The following CPSF1 variants were observed in gnomAD, a reference collection of about 807,000 sequenced individuals.
CPSF1 encodes the protein cleavage and polyadenylation specificity factor subunit 1.
A neutral mutation model predicts 175.8 loss-of-function variants in CPSF1; 106 were observed. The ratio of observed to expected loss-of-function variants is 0.60; its 90% CI spans 0.52 to 0.71. The LOEUF (loss-of-function observed/expected upper bound fraction) is 0.71, where lower values mean the gene tolerates loss of function less well. Among genes scored for constraint, CPSF1 ranks in the 30% least tolerant of loss-of-function variants. CPSF1 has a pLI of 0.00. For synonymous variants in CPSF1, 1,024 were observed against 858.3 expected (o/e 1.19, Z -3.37); for missense variants, 1,734 against 2,022.9 (o/e 0.86, Z 2.74).
At position 144,395,493 on chromosome 8, in the gene CPSF1, A is replaced by C; in HGVS notation, c.3038T>G (p.Val1013Gly). The stretch of plus-strand genomic sequence containing the variant: ...CGTGCAGCGCAGCGGGATCTTCCTG[A>C]CAGGCCATGGGGCATCATAGGACAG... ...AYLSYDAPWP[V>G]RKIPLRCTAH... Residue 1013 changes from valine (V) to glycine (G), a missense_variant, in exon 27 of 38, where the codon GTC (valine) becomes GGC (glycine). Physicochemically the swap from Val to Gly is moderately radical, Grantham distance 109. Transcript: ENST00000616140. 1 of 1,550,728 alleles carries C rather than the reference A, an allele frequency of 6.4e-7. No homozygotes were observed. Among genetic ancestry groups the C allele is most frequent in the Non-Finnish European group, 8.8e-7 (1 of 1,140,562 alleles).
chr8:144,399,997 G>T lies in CPSF1; in HGVS notation c.1026C>A (p.Gly342=), dbSNP rs144467510. The T allele has an allele frequency of 9.9e-6, 16 of 1,611,698 alleles. No individual in the cohort carries two copies. The highest frequency in any genetic ancestry group is 3.3e-5 in the Admixed American group (2 of 59,950). The change falls in exon 10 of 38, where the codon GGC becomes GGA. Residue 342 remains glycine, a synonymous_variant. Coordinates refer to ENST00000616140, the MANE Select transcript of CPSF1 (RefSeq NM_013291.3). The surrounding 1 kb of genome is among the most constrained non-coding windows in gnomAD (Gnocchi z 6.4). Reference sequence around the variant, plus strand: ...TGGGCGGGGGAGGGGCTCACATCTCGCCGCCCTTGAGGGAGATGACCATCT... The same window carrying T: ...TGGGCGGGGGAGGGGCTCACATCTCTCCGCCCTTGAGGGAGATGACCATCT... ...YDKMVISLKG[G]EIYVLTLITD... is the part of the protein sequence containing the mutation.
chr8:144,397,568 G>A lies in CPSF1; in HGVS notation c.2304C>T (p.Pro768=), dbSNP rs1554864433. The change falls in exon 22 of 38, where the codon CCC becomes CCT. Residue 768 remains proline, a synonymous_variant. Coordinates refer to ENST00000616140, the MANE Select transcript of CPSF1 (RefSeq NM_013291.3). ...AGGGTGCAGGGTCCCGGTCAGCAGG[G>A]GGCTGGCTGCTTCTTCGGGCCTCCT... The part of the protein sequence containing the change: ...SKEEARRSSQ[P]PADRDPAPFR... 1 of 1,545,782 alleles carries A rather than the reference G, an allele frequency of 6.5e-7. No homozygotes were observed.
At position 144,395,417 on chromosome 8, in the gene CPSF1, GT is replaced by G; in HGVS notation, c.3096+17del. 1 of 1,612,574 alleles carries G rather than the reference GT, an allele frequency of 6.2e-7. No homozygotes were observed. Among genetic ancestry groups the G allele is most frequent in the South Asian group, 1.1e-5 (1 of 91,074 alleles). ...CCAGGCCCAGAAGGTCCCTGGTGGGGTGGGGGTGGGGGCAGACCTTAGACTC... is the reference window on the plus strand; with the variant it reads ...CCAGGCCCAGAAGGTCCCTGGTGGGGGGGGGTGGGGGCAGACCTTAGACTC... On this transcript the variant is annotated intron_variant, in intron 27 of 37. Coordinates refer to ENST00000616140, the MANE Select transcript of CPSF1 (RefSeq NM_013291.3).
At position 144,393,689 on chromosome 8, in the gene CPSF1, C is replaced by T. The variant is rs781988556; in HGVS notation, c.4123G>A (p.Gly1375Ser). The T allele has an allele frequency of 7.7e-6, 12 of 1,562,308 alleles. No homozygotes were observed. Among genetic ancestry groups the T allele is most frequent in the East Asian group, 7.0e-5 (3 of 43,016 alleles). ...CACCGGAAGGCGCGGGGGTTGAGGC[C>T]GGCGTGGTGTGGCAGCATGGTGGTC... ...ALTTMLPHHA[G>S]LNPRAFRMLH... Residue 1375 changes from glycine to serine, a missense_variant, in exon 36 of 38, where the codon GGC becomes AGC. Gly to Ser is a moderately conservative substitution (Grantham distance 56). Around this residue, in one of 10 missense-constraint regions of CPSF1, gnomAD observed 323 missense variants for 338.5 expected, o/e 0.95. Transcript: ENST00000616140.
chr8:144,400,135 G>GCCCCCCCCCCCC (rs1491238659), intron 9 of CPSF1, 31 bp downstream of exon 9: 138 of 896,514 alleles, frequency 1.5e-4, no homozygotes, highest in Non-Finnish European at 1.9e-4. Context: ...CCGTCCCCGG[G>GCCCCCCCCCCCC]CCCCCCCCGC....
At chr8:144,404,936 T>C (rs934087397) in intron 2 of CPSF1, among the ~76,000 whole-genome samples, 1 of 151,532 alleles carries the variant, frequency 6.6e-6, no homozygotes, top group Non-Finnish European at 1.5e-5. Flanking sequence ...TCCCAGCTAC[T>C]CAGGAGGCTG....
Position 144,400,289 on chromosome 8 carries a change from A to G in CPSF1, c.827-13T>C. 1.2e-6 allele frequency: 2 copies of G among 1,608,172 alleles called. No homozygotes were observed. Among genetic ancestry groups the G allele is most frequent in the East Asian group, 2.2e-5 (1 of 44,732 alleles). On this transcript the variant is annotated splice_polypyrimidine_tract_variant and intron_variant, in intron 8 of 37. Transcript: ENST00000616140. ...ACCACCACCCCACCTGGAGGTGGAC[A>G]CAGGCTGGTGGGCAGGCTCAGTGCT...
In CPSF1 at chr8:144,400,067, C is replaced by T. The variant is rs147185008; in HGVS notation, c.956G>A (p.Arg319Gln). 38 of 1,611,746 alleles carry T rather than the reference C, an allele frequency of 2.4e-5. No homozygotes were observed. The highest frequency in any genetic ancestry group is 1.2e-4 in the African/African-American group (9 of 74,834). The change falls in exon 10 of 38, where the codon CGG becomes CAG. Residue 319 changes from arginine to glutamine, a missense_variant. Coordinates refer to ENST00000616140, the MANE Select transcript of CPSF1 (RefSeq NM_013291.3). ...AFPLRTQEGV[R>Q]ITLDCAQATF... ...GGCCTGGGCGCAGTCCAGGGTGATC[C>T]GCACACCCTCCTGGGTGCCTGTGGG...
In CPSF1 at chr8:144,397,960, C is replaced by T; in HGVS notation, c.2067G>A (p.Leu689=). The stretch of plus-strand genomic sequence containing the variant: ...CGGGAATGAGGGGGCCTACATGGTG[C>T]AGCGGGGGCTTGTGCAGCGCCAGGC... The part of the protein sequence containing the change: ...HHRLALHKPP[L]HHQSKVITLC... The change falls in exon 20 of 38, where the codon CTG becomes CTA. Residue 689 remains leucine, a synonymous_variant. Transcript: ENST00000616140. 1.2e-6 allele frequency: 2 copies of T among 1,607,796 alleles called. No individual in the cohort carries two copies. Among genetic ancestry groups the T allele is most frequent in the South Asian group, 1.1e-5 (1 of 90,830 alleles).
At position 144,400,728 on chromosome 8, in the gene CPSF1, T is replaced by C; in HGVS notation, c.629A>G (p.His210Arg). The C allele has an allele frequency of 1.9e-6, 3 of 1,613,416 alleles. No homozygotes were observed. The highest frequency in any genetic ancestry group is 2.5e-6 in the Non-Finnish European group (3 of 1,179,748). The stretch of plus-strand genomic sequence containing the variant: ...GAGGAGGGTAGGCTCGTAGTAGCCA[T>C]GCAGGAACTGCAGGTCGATGATGTT... Reference protein sequence around the residue: ...LLNIIDLQFLHGYYEPTLLIL... With the variant: ...LLNIIDLQFLRGYYEPTLLIL... The change falls in exon 7 of 38, where the codon CAT becomes CGT. Residue 210 changes from histidine (H) to arginine (R), a missense_variant. His to Arg is a conservative substitution (Grantham distance 29, BLOSUM62 0). This residue lies in a region of CPSF1 where 122 missense variants were observed against 177.2 expected (regional missense o/e 0.69). Coordinates refer to ENST00000616140, the MANE Select transcript of CPSF1 (RefSeq NM_013291.3).
At chr8:144,408,986 G>C (rs2116912533) in intron 2 of CPSF1, 29 bp downstream of exon 2, 2 of 1,608,016 alleles carry the variant, frequency 1.2e-6, no homozygotes, top group African/African-American at 2.7e-5. Flanking sequence ...GTCGCGGACA[G>C]CCGGGAGGGC....
chr8:144,393,296 G>A lies in CPSF1; in HGVS notation c.*22C>T. ...GGGGTGGGAGGTAGTTCCGTGTGCT[G>A]GTGGTGACGGCATCCACGGGGCTAG... On this transcript the variant is annotated 3_prime_UTR_variant, in exon 38 of 38. Coordinates refer to ENST00000616140, the MANE Select transcript of CPSF1 (RefSeq NM_013291.3). The A allele has an allele frequency of 2.0e-6, 3 of 1,487,588 alleles. No individual in the cohort carries two copies. The highest frequency in any genetic ancestry group is 2.7e-6 in the Non-Finnish European group (3 of 1,111,742). 92.1% of individuals were successfully genotyped at this position (1,487,588 alleles called of 1,614,324 possible).
Position 144,395,472 on chromosome 8 carries a change from C to T in CPSF1, c.3059G>A (p.Cys1020Tyr). ...GTGGTAAGCCACATAGTGGGCCGTG[C>T]AGCGCAGCGGGATCTTCCTGACAGG... ...PWPVRKIPLR[C>Y]TAHYVAYHVE... Residue 1020 changes from cysteine to tyrosine, a missense_variant, in exon 27 of 38, where the codon TGC (cysteine) becomes TAC (tyrosine). Physicochemically the swap from Cys to Tyr is radical, Grantham distance 194 (BLOSUM62 -2). Transcript: ENST00000616140. 6.2e-7 allele frequency: 1 copy of T among 1,612,432 alleles called. No individual in the cohort carries two copies. The highest frequency in any genetic ancestry group is 8.5e-7 in the Non-Finnish European group (1 of 1,179,768).
chr8:144,396,989 C>T, intron 23 of CPSF1, 60 bp from the exon 24 acceptor site: 1 of 1,308,996 alleles, frequency 7.6e-7, no homozygotes, highest in South Asian at 1.2e-5. Context: ...ATGGGATGGG[C>T]CATGGGAAGA....
chr8:144,395,484 A>C lies in CPSF1; in HGVS notation c.3047T>G (p.Ile1016Ser), dbSNP rs1820665483. 6.3e-7 allele frequency: 1 copy of C among 1,576,336 alleles called. No homozygotes were observed. The highest frequency in any genetic ancestry group is 1.1e-5 in the South Asian group (1 of 90,608). Residue 1016 changes from isoleucine (I) to serine (S), a missense_variant, in exon 27 of 38, where the codon ATC (isoleucine) becomes AGC (serine). Ile to Ser is a moderately radical substitution (Grantham distance 142). Transcript: ENST00000616140. ...SYDAPWPVRKIPLRCTAHYVA... is the reference protein window; with the variant it reads ...SYDAPWPVRKSPLRCTAHYVA... ...ATAGTGGGCCGTGCAGCGCAGCGGG[A>C]TCTTCCTGACAGGCCATGGGGCATC...
At chr8:144,405,138 C>A (rs1011506042) in intron 2 of CPSF1, among the ~76,000 whole-genome samples, 1 of 152,122 alleles carries the variant, frequency 6.6e-6, no homozygotes, top group Non-Finnish European at 1.5e-5. Context: ...CTACAAGATA[C>A]TTTTAGTTAC....
In CPSF1 at chr8:144,400,279, G is replaced by T; in HGVS notation, c.827-3C>A. The T allele has an allele frequency of 6.2e-7, 1 of 1,606,328 alleles. No homozygotes were observed. The highest frequency in any genetic ancestry group is 8.5e-7 in the Non-Finnish European group (1 of 1,174,334). Reference sequence around the variant, plus strand: ...GACGGCAAACACCACCACCCCACCTGGAGGTGGACACAGGCTGGTGGGCAG... The same window carrying T: ...GACGGCAAACACCACCACCCCACCTTGAGGTGGACACAGGCTGGTGGGCAG... On this transcript the variant is annotated splice_polypyrimidine_tract_variant and splice_region_variant and intron_variant, in intron 8 of 37. Transcript: ENST00000616140.
chr8:144,409,257 C>G (rs1554870088), intron 1 of CPSF1, 32 bp downstream of exon 1: 1 of 1,160,014 alleles, frequency 8.6e-7, no homozygotes. Flanking sequence ...CGGCCTCGCG[C>G]TGCCGCCTCG....
At chr8:144,407,635 G>A (rs1262947339) in intron 2 of CPSF1, among the ~76,000 whole-genome samples, 2 of 152,110 alleles carry the variant, frequency 1.3e-5, no homozygotes, top group Non-Finnish European at 2.9e-5. Context: ...CGAGGCGGAG[G>A]TTAAAGTTAG....
Sources: allele counts gnomAD v4.1 joint callset (sites outside exome capture counted in the v4.1 genomes callset), GRCh38; gene constraint gnomAD v4.1.1; regional missense constraint gnomAD v4.1.1; non-coding constraint Gnocchi (gnomAD v3.1); transcripts MANE v1.5; gene names NCBI Gene and HGNC (gene_info 2026-07-23, HGNC 2026-07-21).